The following ACAD11 variants were observed in gnomAD, a reference collection of about 807,000 sequenced individuals.
ACAD11 encodes the protein acyl-CoA dehydrogenase family member 11, also known as acyl-Coenzyme A dehydrogenase family, member 11.
Under a neutral mutation model 102.2 loss-of-function variants are expected in ACAD11, and 83 were observed. That is an observed-to-expected ratio of 0.81 (90% CI 0.68 to 0.97). The LOEUF is 0.97. ACAD11 is among the 50% of genes least tolerant of loss of function. The pLI is 0.00. For missense variants in ACAD11, 901 were observed against 951.7 expected (o/e 0.95, Z 0.70); for synonymous variants, 324 against 319.8 (o/e 1.01, Z -0.14).
At chr3:132,639,907 G>C (rs955466357) in intron 4 of ACAD11, among the ~76,000 whole-genome samples, 13 of 151,686 alleles carry the variant, frequency 8.6e-5, no homozygotes, top group Non-Finnish European at 1.9e-4. Flanking sequence ...GGGATCAAGA[G>C]ATATGGGTTC....
intron 17 of ACAD11, among the ~76,000 whole-genome samples, chr3:132,569,035 T>C (rs548040064): frequency 3.2e-4 from 49 of 151,354 alleles, no homozygotes; most frequent in Middle Eastern, 3.4e-3. Context: ...TTTTGTTCTG[T>C]GAACGACCCT....
At chr3:132,578,286 C>T (rs915430361) in intron 15 of ACAD11, among the ~76,000 whole-genome samples, 6 of 152,122 alleles carry the variant, frequency 3.9e-5, no homozygotes, top group Admixed American at 1.3e-4. Flanking sequence ...ACAATGAACA[C>T]GTGCCACAGT....
At chr3:132,627,534 A>C (rs982946654) in intron 8 of ACAD11, among the ~76,000 whole-genome samples, 5 of 152,232 alleles carry the variant, frequency 3.3e-5, no homozygotes, top group Non-Finnish European at 5.9e-5. Context: ...TAGCTGCTGA[A>C]TATTAGATCT....
chr3:132,644,546 G>A (rs1417474962), intron 2 of ACAD11, among the ~76,000 whole-genome samples: 1 of 151,802 alleles, frequency 6.6e-6, no homozygotes, highest in East Asian at 1.9e-4. Context: ...ACAACGTAGA[G>A]GAAAATCAAA....
rs1410118264 is a variant in ACAD11 at position 132,639,564 on chromosome 3, G to A, written c.630C>T (p.Pro210=). Residue 210 remains proline, a synonymous_variant, in exon 5 of 20, where the codon CCC becomes CCT. Transcript: ENST00000264990. The stretch of plus-strand genomic sequence containing the variant: ...TCAAATTCTCTTCATTGTCATTATC[G>A]GGCAAGTTCTTCATTAGCCACTCCG... ...QLSEWLMKNL[P]DNDNEENLIH... 43 of 1,613,692 alleles carry A rather than the reference G, an allele frequency of 2.7e-5. No homozygotes were observed. The highest frequency in any genetic ancestry group is 3.3e-5 in the Non-Finnish European group (39 of 1,179,894).
chr3:132,603,860 A>G (rs1208089717), intron 12 of ACAD11, among the ~76,000 whole-genome samples: 2 of 152,240 alleles, frequency 1.3e-5, no homozygotes, highest in Admixed American at 1.3e-4. Context: ...GCTTTATTGC[A>G]TGGCACTTCA....
intron 13 of ACAD11, among the ~76,000 whole-genome samples, chr3:132,582,932 TCTTAA>T (rs1271708863): frequency 7.2e-5 from 11 of 152,260 alleles, no homozygotes. Flanking sequence ...GAGAGAGGAC[TCTTAA>T]CTAACTGGGA....
chr3:132,598,718 C>CT (rs1025470841), intron 13 of ACAD11, among the ~76,000 whole-genome samples: 2 of 152,198 alleles, frequency 1.3e-5, no homozygotes, highest in Admixed American at 1.3e-4. Flanking sequence ...ACAGATGCTG[C>CT]TGCATGGTGG....
At chr3:132,600,536 T>C (rs146640019) in intron 13 of ACAD11, 119 of 1,613,842 alleles carry the variant, frequency 7.4e-5, no homozygotes, top group Middle Eastern at 1.6e-4. Context: ...CCTCCCTGTA[T>C]TCCTCACAAT....
intron 17 of ACAD11, among the ~76,000 whole-genome samples, chr3:132,574,587 C>A (rs1013127316): frequency 2.6e-5 from 4 of 152,210 alleles, no homozygotes; most frequent in East Asian, 3.9e-4. Flanking sequence ...ATAAGATGGT[C>A]AAAAATGTAT....
chr3:132,632,144 C>T (rs1168062343), intron 5 of ACAD11, among the ~76,000 whole-genome samples: 1 of 150,236 alleles, frequency 6.7e-6, no homozygotes, highest in African/African-American at 2.5e-5. Context: ...AGTGCAGTGG[C>T]GCGATCTCTG....
At chr3:132,601,902 C>T (rs1243283210) in intron 13 of ACAD11, 1 of 191,974 alleles carries the variant, frequency 5.2e-6, no homozygotes, top group Non-Finnish European at 1.2e-5. Context: ...CAGGACCACT[C>T]TGTACCATCT....
Position 132,558,823 on chromosome 3 carries a change from A to G in ACAD11, c.*148T>C, listed in dbSNP as rs1284423595. 1.6e-6 allele frequency: 1 copy of G among 617,524 alleles called. No individual in the cohort carries two copies. The allele number at this position is 617,524 out of a possible 1,614,324, so 38.3% of individuals were successfully genotyped here. On this transcript the variant is annotated 3_prime_UTR_variant, in exon 20 of 20. Transcript: ENST00000264990. ...ACCCTTGAAATAATAAAACCCACTG[A>G]TCAAAATAGATGCTATAATCTTTAC...
chr3:132,644,733 T>C (rs1324051486), intron 2 of ACAD11, 64 bp downstream of exon 2: 4 of 927,760 alleles, frequency 4.3e-6, no homozygotes, highest in Non-Finnish European at 6.3e-6. Flanking sequence ...GTAAATTGGC[T>C]TTGTGTGTAT....
chr3:132,582,933 CTT>C (rs1937628646), intron 13 of ACAD11, among the ~76,000 whole-genome samples: 1 of 152,082 alleles, frequency 6.6e-6, no homozygotes, highest in African/African-American at 2.4e-5. Flanking sequence ...AGAGAGGACT[CTT>C]AACTAACTGG....
intron 12 of ACAD11, among the ~76,000 whole-genome samples, chr3:132,603,635 G>T (rs1310086780): frequency 6.6e-6 from 1 of 152,204 alleles, no homozygotes; most frequent in Non-Finnish European, 1.5e-5. Flanking sequence ...GTAGATAAAA[G>T]TATTGTTTTC....
intron 1 of ACAD11, among the ~76,000 whole-genome samples, chr3:132,658,597 G>A (rs1329813884): frequency 6.6e-6 from 1 of 152,156 alleles, no homozygotes; most frequent in African/African-American, 2.4e-5. Context: ...TACAACACAA[G>A]GCTTCTAGCC....
intron 18 of ACAD11, 72 bp downstream of exon 18, chr3:132,561,029 G>T: frequency 8.3e-7 from 1 of 1,200,582 alleles, no homozygotes; most frequent in Non-Finnish European, 1.2e-6. Context: ...CATGAAAACT[G>T]AAATGTCCAA....
At chr3:132,630,352 A>C in intron 7 of ACAD11, 85 bp downstream of exon 7, 3 of 1,366,846 alleles carry the variant, frequency 2.2e-6, no homozygotes, top group Non-Finnish European at 2.9e-6. Flanking sequence ...AAGGATAAAG[A>C]ATATAAAACC....
Sources: allele counts gnomAD v4.1 joint callset (sites outside exome capture counted in the v4.1 genomes callset), GRCh38; gene constraint gnomAD v4.1.1; transcripts MANE v1.5; gene names NCBI Gene and HGNC (gene_info 2026-07-23, HGNC 2026-07-21).